Variants in TRMT2B observed in about 807,000 individuals in gnomAD.
TRMT2B encodes the protein tRNA (uracil-5-)-methyltransferase homolog B.
Under a neutral mutation model 39.7 loss-of-function variants are expected in TRMT2B, and 34 were observed. The ratio of observed to expected loss-of-function variants is 0.86; its 90% CI spans 0.65 to 1.14. The LOEUF is 1.14. TRMT2B is among the 50% of genes most tolerant of loss of function. The pLI, the probability that TRMT2B is intolerant of heterozygous loss-of-function variation, is 0.00. For synonymous variants in TRMT2B, 132 were observed against 137.3 expected (o/e 0.96, Z 0.27); for missense variants, 318 against 377.2 (o/e 0.84, Z 1.30).
chrX:101,023,385 A>C, intron 8 of TRMT2B, 85 bp downstream of exon 8: 1 of 982,555 alleles, frequency 1.0e-6, no homozygotes, highest in African/African-American at 1.9e-5. Context: ...TTTCTGCTAT[A>C]TGCCCTGAAA....
the TRMT2B span, among the ~76,000 whole-genome samples, chrX:100,980,883 G>C: frequency 3.6e-5 from 4 of 111,940 alleles, no homozygotes; most frequent in African/African-American, 1.3e-4. Context: ...GTCTAGAAAT[G>C]TCATCGGGGA....
intron 2 of TRMT2B, among the ~76,000 whole-genome samples, chrX:101,050,406 CTT>C (rs771493332): frequency 8.9e-6 from 1 of 112,647 alleles, no homozygotes; most frequent in East Asian, 2.8e-4. Flanking sequence ...AGACTATTTT[CTT>C]TTTATATTTT....
At chrX:101,025,641 A>G (rs113139112) in intron 7 of TRMT2B, among the ~76,000 whole-genome samples, 2 of 111,798 alleles carry the variant, frequency 1.8e-5, no homozygotes, top group Admixed American at 9.6e-5. Context: ...ATAGTTTTCA[A>G]ATTTTAAGGT....
chrX:101,040,472 A>G (rs1048595984), intron 4 of TRMT2B, among the ~76,000 whole-genome samples: 15 of 110,913 alleles, frequency 1.4e-4, no homozygotes, highest in South Asian at 3.8e-4. Context: ...TTCATTTTAC[A>G]TGTTCTTAAA....
At chrX:100,982,320 C>T in the TRMT2B span, among the ~76,000 whole-genome samples, 1 of 110,181 alleles carries the variant, frequency 9.1e-6, no homozygotes, top group Non-Finnish European at 1.9e-5. Context: ...GTGAAACCCC[C>T]GTCTCTACTA....
At chrX:101,050,486 A>G (rs1257003541) in intron 2 of TRMT2B, among the ~76,000 whole-genome samples, 1 of 111,944 alleles carries the variant, frequency 8.9e-6, no homozygotes, top group Admixed American at 9.5e-5. Flanking sequence ...GCACTTTGGG[A>G]GGCCGAGGCT....
At chrX:101,038,749 CT>C (rs1462080262) in intron 4 of TRMT2B, among the ~76,000 whole-genome samples, 2 of 111,775 alleles carry the variant, frequency 1.8e-5, no homozygotes, top group Non-Finnish European at 3.8e-5. Flanking sequence ...GAACTAAATA[CT>C]TTTTTAATTT....
At chrX:101,026,906 C>T (rs1331418998) in intron 7 of TRMT2B, among the ~76,000 whole-genome samples, 1 of 111,656 alleles carries the variant, frequency 9.0e-6, no homozygotes, top group Non-Finnish European at 1.9e-5. Flanking sequence ...TTTACTCTCC[C>T]ATTTTAAGCA....
chrX:100,982,108 A>G, the TRMT2B span, among the ~76,000 whole-genome samples: 1 of 111,123 alleles, frequency 9.0e-6, no homozygotes, highest in Non-Finnish European at 1.9e-5. Flanking sequence ...AAACCTGGCT[A>G]TATATTTCAA....
chrX:101,006,103 C>T (rs1275264392), downstream of TRMT2B, among the ~76,000 whole-genome samples: 1 of 108,328 alleles, frequency 9.2e-6, no homozygotes, highest in East Asian at 3.0e-4. Context: ...CACCTGTAAT[C>T]CCAGCCTCTC....
chrX:101,027,123 T>C (rs1010943073), intron 7 of TRMT2B, among the ~76,000 whole-genome samples: 8 of 111,792 alleles, frequency 7.2e-5, no homozygotes, highest in Non-Finnish European at 1.3e-4. Flanking sequence ...TGGTCCACTC[T>C]AAGTCCTCAC....
downstream of TRMT2B, among the ~76,000 whole-genome samples, chrX:101,006,179 G>A (rs942973691): frequency 2.8e-5 from 3 of 105,392 alleles, no homozygotes; most frequent in Admixed American, 1.0e-4. Context: ...GCAGTGAGCC[G>A]AGATCGCGCT....
intron 6 of TRMT2B, 49 bp downstream of exon 6, chrX:101,036,925 C>T: frequency 1.0e-6 from 1 of 986,795 alleles, no homozygotes; most frequent in East Asian, 3.0e-5. Context: ...CACTTCTCTG[C>T]ACCCTTTCAT....
rs927988829 is a variant in TRMT2B at position 101,051,279 on chromosome X, G to A, written c.-52C>T. 1.3e-6 allele frequency: 1 copy of A among 753,765 alleles called. No individual in the cohort carries two copies. The allele number at this position is 753,765 out of a possible 1,213,427, so 62.1% of individuals were successfully genotyped here. ...CGCAGGGCCAAGGATCCCTTTTGGAGCAAAATGTTCACCCACCGACAAGGG... is the reference window on the plus strand; with the variant it reads ...CGCAGGGCCAAGGATCCCTTTTGGAACAAAATGTTCACCCACCGACAAGGG... On this transcript the variant is annotated 5_prime_UTR_variant, in exon 2 of 14. Transcript: ENST00000372936.
the TRMT2B span, among the ~76,000 whole-genome samples, chrX:100,995,589 A>G: frequency 6.2e-5 from 7 of 112,060 alleles, no homozygotes; most frequent in Non-Finnish European, 1.3e-4. Flanking sequence ...CTGATGACTC[A>G]GGAATCCCAC....
intron 6 of TRMT2B, among the ~76,000 whole-genome samples, chrX:101,036,104 T>C (rs2087818051): frequency 8.9e-6 from 1 of 111,748 alleles, no homozygotes; most frequent in Admixed American, 9.6e-5. Context: ...GTGACTAATA[T>C]CAAATGATGG....
At chrX:101,046,940 A>G in intron 2 of TRMT2B, among the ~76,000 whole-genome samples, 1 of 108,869 alleles carries the variant, frequency 9.2e-6, no homozygotes, top group Non-Finnish European at 1.9e-5. Context: ...AGCAAAAAAA[A>G]GTACTTAGGC....
intron 13 of TRMT2B, among the ~76,000 whole-genome samples, chrX:101,017,152 A>G (rs1009200697): frequency 3.6e-5 from 4 of 110,516 alleles, no homozygotes; most frequent in Non-Finnish European, 7.6e-5. Flanking sequence ...AGCTTGGGCG[A>G]CAGAGCAAGA....
chrX:100,990,453 G>A, the TRMT2B span: 6 of 983,759 alleles, frequency 6.1e-6, no homozygotes, highest in East Asian at 4.0e-5. Context: ...AGGACTACCC[G>A]GTTTTTAAAT....
Sources: gnomAD v4.1 joint callset for allele counts (sites outside exome capture counted in the v4.1 genomes callset) on GRCh38, gnomAD v4.1.1 for gene constraint, MANE v1.5 for transcripts, NCBI Gene and HGNC (gene_info 2026-07-23, HGNC 2026-07-21) for gene names.